FRMD3: variants seen among roughly 807,000 people sequenced by gnomAD.
FRMD3 encodes FERM domain-containing protein 3.
FRMD3 carries 33 observed loss-of-function variants against 70.2 expected under a neutral mutation model. The ratio of observed to expected loss-of-function variants is 0.47; its 90% CI spans 0.36 to 0.63. FRMD3 has a LOEUF of 0.63. Among genes scored for constraint, FRMD3 ranks in the 20% least tolerant of loss-of-function variants. FRMD3 has a pLI of 0.00. For missense variants in FRMD3, 632 were observed against 711.4 expected, an observed-to-expected ratio of 0.89 and a Z score of 1.27; for synonymous variants, 279 against 255.9, an observed-to-expected ratio of 1.09 and a Z score of -0.86.
chr9:83,305,616 CAG>C (rs1835100124), intron 10 of FRMD3, among the ~76,000 whole-genome samples: 1 of 152,174 alleles, frequency 6.6e-6, no homozygotes, highest in Non-Finnish European at 1.5e-5. Flanking sequence ...AGGCTAAGAC[CAG>C]ACAGCACTAA....
rs1160623512 is a variant in FRMD3, at chr9:83,264,829, T to TC, written c.1196-16314dup. On this transcript the variant is annotated intron_variant, in intron 13 of 13. Transcript: ENST00000304195. ...TTGTGGGGGGAGGGGGGAAGGTATA[T>TC]CCCTATACCATGTCATGCACGTGTA... is the stretch of plus-strand genomic sequence containing the variant. Among the ~76,000 whole-genome samples, 4 of 149,692 alleles carry TC rather than the reference T, an allele frequency of 2.7e-5. 1 individual carries two copies. The highest frequency in any genetic ancestry group is 5.9e-5 in the Non-Finnish European group (4 of 67,326).
intron 1 of FRMD3, among the ~76,000 whole-genome samples, chr9:83,441,915 C>T (rs1407512416): frequency 6.6e-6 from 1 of 152,184 alleles, no homozygotes; most frequent in African/African-American, 2.4e-5. Context: ...GCATCCATTT[C>T]TTTACAGACA....
chr9:83,377,510 G>T (rs990602350), intron 2 of FRMD3, among the ~76,000 whole-genome samples: 2 of 152,156 alleles, frequency 1.3e-5, no homozygotes, highest in South Asian at 4.2e-4. Context: ...GGGAGTGATT[G>T]GATCACAGGA....
intron 1 of FRMD3, among the ~76,000 whole-genome samples, chr9:83,507,691 C>CATATATATATAT (rs34251863): frequency 1.2e-3 from 57 of 49,200 alleles, no homozygotes; most frequent in Admixed American, 2.1e-3. Flanking sequence ...AATATACATA[C>CATATATATATAT]ATATATATAT....
At chr9:83,273,085 G>A (rs1261110121) in intron 13 of FRMD3, among the ~76,000 whole-genome samples, 4 of 150,542 alleles carry the variant, frequency 2.7e-5, no homozygotes, top group Non-Finnish European at 5.9e-5. Flanking sequence ...ACCCCTTCTG[G>A]GAAGTGAGGA....
rs560162859 is a variant in FRMD3 at position 83,532,446 on chromosome 9, T to C, written c.147+5639A>G. 1.3e-3 allele frequency among the ~76,000 whole-genome samples: 193 copies of C among 152,308 alleles called. 1 individual carries two copies. Among genetic ancestry groups the C allele is most frequent in the African/African-American group, 4.4e-3 (183 of 41,562 alleles). On this transcript the variant is annotated intron_variant, in intron 1 of 13. Transcript: ENST00000304195. The stretch of plus-strand genomic sequence containing the variant: ...ACACTACAAAGGACTCTCTCATAAT[T>C]TTCCTTGTTCTAGAATTTGATCATA...
chr9:83,430,610 T>C (rs181563890), intron 1 of FRMD3, among the ~76,000 whole-genome samples: 2 of 152,326 alleles, frequency 1.3e-5, no homozygotes, highest in East Asian at 3.9e-4. Flanking sequence ...ATAAAATGGC[T>C]TGCTTTTTTT....
At chr9:83,310,422 T>C in intron 9 of FRMD3, 63 bp downstream of exon 9, 1 of 1,303,908 alleles carries the variant, frequency 7.7e-7, no homozygotes, top group African/African-American at 1.5e-5. Flanking sequence ...AAGGCATATT[T>C]TACTCCTGAA....
At chr9:83,469,742 A>G (rs1438804485) in intron 1 of FRMD3, among the ~76,000 whole-genome samples, 1 of 152,194 alleles carries the variant, frequency 6.6e-6, no homozygotes, top group Non-Finnish European at 1.5e-5. Flanking sequence ...CAAAGCTCAG[A>G]TGGGAATTAG....
At position 83,488,017 on chromosome 9, in the gene FRMD3, C is replaced by T. The variant is rs191363665; in HGVS notation, c.147+50068G>A. On this transcript the variant is annotated intron_variant, in intron 1 of 13. Transcript: ENST00000304195. ...CTACACGTTTACCAATTTTGGGTTA[C>T]AGCTACAATAGAAATAGACCCCCCA... Among the ~76,000 whole-genome samples the T allele has an allele frequency of 2.6e-3, 397 of 152,246 alleles. 1 individual carries two copies. The highest frequency in any genetic ancestry group is 8.7e-3 in the African/African-American group (361 of 41,554).
At chr9:83,363,615 G>C (rs892599518) in intron 3 of FRMD3, among the ~76,000 whole-genome samples, 4 of 147,960 alleles carry the variant, frequency 2.7e-5, no homozygotes, top group Non-Finnish European at 4.4e-5. Flanking sequence ...GTGCAGTGGC[G>C]CGATCTTGGC....
intron 13 of FRMD3, among the ~76,000 whole-genome samples, chr9:83,264,875 G>C (rs1224043404): frequency 6.6e-6 from 1 of 150,720 alleles, no homozygotes; most frequent in Non-Finnish European, 1.5e-5. Flanking sequence ...AGAAGATAAA[G>C]GGTTAAACTA....
At chr9:83,516,431 A>G (rs7038103) in intron 1 of FRMD3, among the ~76,000 whole-genome samples, 13,163 of 152,288 alleles carry the variant, frequency 0.086, 695 homozygotes, top group East Asian at 0.25. Flanking sequence ...ACTATGCTAA[A>G]TATATATGCA....
chr9:83,312,383 A>C, intron 7 of FRMD3, among the ~76,000 whole-genome samples: 1 of 152,334 alleles, frequency 6.6e-6, no homozygotes, highest in Middle Eastern at 3.4e-3. Flanking sequence ...TTTTGATTCA[A>C]TCTCTCACAG....
At chr9:83,468,598 G>C (rs1478265388) in intron 1 of FRMD3, among the ~76,000 whole-genome samples, 2 of 152,212 alleles carry the variant, frequency 1.3e-5, no homozygotes, top group African/African-American at 4.8e-5. Flanking sequence ...AGTACTGCTA[G>C]ATTTAGTTCT....
intron 1 of FRMD3, among the ~76,000 whole-genome samples, chr9:83,415,025 G>A (rs1457291399): frequency 1.3e-5 from 2 of 152,236 alleles, no homozygotes; most frequent in Non-Finnish European, 2.9e-5. Context: ...ATAGCCAGGT[G>A]CAATGGGATG....
intron 3 of FRMD3, among the ~76,000 whole-genome samples, chr9:83,364,442 G>C (rs1337283500): frequency 6.6e-6 from 1 of 152,020 alleles, no homozygotes; most frequent in Non-Finnish European, 1.5e-5. Flanking sequence ...TGTAGTCCCA[G>C]CTACTCAGGA....
intron 12 of FRMD3, among the ~76,000 whole-genome samples, chr9:83,297,263 C>T (rs1025752579): frequency 1.3e-5 from 2 of 152,124 alleles, no homozygotes; most frequent in Admixed American, 1.3e-4. Context: ...TGAGCTTCAA[C>T]CTGGAAGAAT....
intron 1 of FRMD3, among the ~76,000 whole-genome samples, chr9:83,475,812 C>T (rs919728459): frequency 6.6e-6 from 1 of 152,144 alleles, no homozygotes; most frequent in African/African-American, 2.4e-5. Flanking sequence ...CTCTACAAGC[C>T]TCACTTAATA....
Sources: gnomAD v4.1 joint callset for allele counts (sites outside exome capture counted in the v4.1 genomes callset) on GRCh38, gnomAD v4.1.1 for gene constraint, MANE v1.5 for transcripts, NCBI Gene and HGNC (gene_info 2026-07-23, HGNC 2026-07-21) for gene names.